Variants in FBXO15 observed in about 807,000 individuals in gnomAD.
FBXO15 encodes the protein F-box only protein 15.
FBXO15 carries 30 observed loss-of-function variants against 49.5 expected under a neutral mutation model. That is an observed-to-expected ratio of 0.61 (90% CI 0.45 to 0.82). The LOEUF (loss-of-function observed/expected upper bound fraction) is 0.82, where lower values mean the gene tolerates loss of function less well. Among genes scored for constraint, FBXO15 ranks in the 40% least tolerant of loss-of-function variants. FBXO15 has a pLI of 0.00. For missense variants in FBXO15, 591 were observed against 631.5 expected, an observed-to-expected ratio of 0.94 and a Z score of 0.69; for synonymous variants, 250 against 232.7, an observed-to-expected ratio of 1.07 and a Z score of -0.68.
At chr18:74,128,032 C>G (rs543993131) in intron 5 of FBXO15, among the ~76,000 whole-genome samples, 1 of 152,232 alleles carries the variant, frequency 6.6e-6, no homozygotes, top group African/African-American at 2.4e-5. Context: ...TTAGAAAAAG[C>G]TGGCTTCCTT....
intron 9 of FBXO15, among the ~76,000 whole-genome samples, chr18:74,080,630 C>G (rs1273970135): frequency 6.6e-6 from 1 of 152,206 alleles, no homozygotes; most frequent in Non-Finnish European, 1.5e-5. Flanking sequence ...CTGAGAACTT[C>G]TATGAGAAAT....
Position 74,075,792 on chromosome 18 carries a change from C to T in FBXO15, c.1264-2062G>A, listed in dbSNP as rs1912234125. The stretch of plus-strand genomic sequence containing the variant: ...AAGCCCTGCAGCTCTCTACCCACTC[C>T]CATTGCTGAGGTTCCTACAGCTTGG... On this transcript the variant is annotated intron_variant, in intron 9 of 9. Transcript: ENST00000419743. The surrounding 1 kb of genome is among the most constrained non-coding windows in gnomAD (Gnocchi z 4.1). Among the ~76,000 whole-genome samples, 1 of 152,166 alleles carries T rather than the reference C, an allele frequency of 6.6e-6. No homozygotes were observed. The highest frequency in any genetic ancestry group is 6.5e-5 in the Admixed American group (1 of 15,276).
At chr18:74,120,061 T>C (rs905478379) in intron 8 of FBXO15, among the ~76,000 whole-genome samples, 1 of 152,188 alleles carries the variant, frequency 6.6e-6, no homozygotes, top group African/African-American at 2.4e-5. Flanking sequence ...AATACTGGCA[T>C]AGAAGGCACA....
At position 74,075,635 on chromosome 18, in the gene FBXO15, A is replaced by T. The variant is rs1378182286; in HGVS notation, c.1264-1905T>A. The stretch of plus-strand genomic sequence containing the variant: ...TCTGGCCTGGTATCCTTTTTCCATC[A>T]TCTGACCGAACATCTCTTGATAAGG... On this transcript the variant is annotated intron_variant, in intron 9 of 9. Coordinates refer to ENST00000419743, the MANE Select transcript of FBXO15 (RefSeq NM_001142958.2). This position sits in a 1 kb window ranked among gnomAD's most constrained non-coding sequence, Gnocchi z 4.1. Among the ~76,000 whole-genome samples the T allele has an allele frequency of 6.6e-6, 1 of 152,148 alleles. No individual in the cohort carries two copies. Among genetic ancestry groups the T allele is most frequent in the African/African-American group, 2.4e-5 (1 of 41,434 alleles).
chr18:74,076,696 A>C (rs1378762950), intron 9 of FBXO15, among the ~76,000 whole-genome samples: 1 of 152,162 alleles, frequency 6.6e-6, no homozygotes, highest in Non-Finnish European at 1.5e-5. Flanking sequence ...AACCTTTACA[A>C]AACATGAGTC....
chr18:74,140,221 A>G lies in FBXO15; in HGVS notation c.208T>C (p.Cys70Arg). 6.4e-7 allele frequency: 1 copy of G among 1,551,356 alleles called. No homozygotes were observed. The highest frequency in any genetic ancestry group is 8.7e-7 in the Non-Finnish European group (1 of 1,146,886). ...ACTTACCCATCCAGGAACCCAGAAC[A>G]GCAGGAGAAAGAGCTCTCCCAGTGC... ...GQHWESSFSC[C>R]SGFLDGMPSE... Residue 70 changes from cysteine to arginine, a missense_variant, in exon 2 of 10, where the codon TGT becomes CGT. Cys to Arg is a radical substitution (Grantham distance 180, BLOSUM62 -3). Transcript: ENST00000419743.
chr18:74,143,752 G>C lies in FBXO15; in HGVS notation c.117-3440C>G, dbSNP rs189529553. Among the ~76,000 whole-genome samples the C allele has an allele frequency of 4.1e-4, 63 of 152,282 alleles. No individual in the cohort carries two copies. In the South Asian group the frequency reaches 7.7e-3, roughly 19 times the overall value. On this transcript the variant is annotated intron_variant, in intron 1 of 9. Coordinates refer to ENST00000419743, the MANE Select transcript of FBXO15 (RefSeq NM_001142958.2). ...CTGATGGCCTCCAGGTGTCTATATG[G>C]CTTGCTCCCTCACTTTCTTCAGCCA...
At chr18:74,093,264 G>GAGC (rs35793189) in intron 8 of FBXO15, among the ~76,000 whole-genome samples, 30 of 8,346 alleles carry the variant, frequency 3.6e-3, no homozygotes, top group Admixed American at 6.0e-3. Flanking sequence ...GCAAAACAAT[G>GAGC]GGGGGGGGGT....
intron 5 of FBXO15, 128 bp downstream of exon 5, chr18:74,129,277 C>A: frequency 1.3e-6 from 1 of 763,448 alleles, no homozygotes. Flanking sequence ...TGCATTAATG[C>A]AGAATGTACA....
Position 74,075,998 on chromosome 18 carries a change from G to A in FBXO15, c.1264-2268C>T, listed in dbSNP as rs192485583. ...GTACTCAACTTCTGGATCTTTCAAC[G>A]GTCCCTCAAGTCCAGCAGGACTATG... On this transcript the variant is annotated intron_variant, in intron 9 of 9. Transcript: ENST00000419743. This position sits in a 1 kb window ranked among gnomAD's most constrained non-coding sequence, Gnocchi z 4.1. Among the ~76,000 whole-genome samples the A allele has an allele frequency of 5.7e-4, 86 of 152,170 alleles. No homozygotes were observed. Among genetic ancestry groups the A allele is most frequent in the African/African-American group, 2.0e-3 (84 of 41,506 alleles).
intron 8 of FBXO15, among the ~76,000 whole-genome samples, chr18:74,092,282 T>C (rs1943931): frequency 0.039 from 5,999 of 152,306 alleles, 392 homozygotes; most frequent in African/African-American, 0.13. Flanking sequence ...TGTCATTTTA[T>C]TGTAGTCCTT....
rs114044705 is a variant in FBXO15, at chr18:74,073,539, G to A, written c.1455C>T (p.Thr485=). The part of the protein sequence containing the change: ...VHVELVWIRE[T]EEYLIVNLVL... The stretch of plus-strand genomic sequence containing the variant: ...CCAGGTTGACAATAAGGTATTCTTC[G>A]GTCTCTCTGATCCACACCAGCTCCA... Residue 485 remains threonine, a synonymous_variant, in exon 10 of 10, where the codon ACC becomes ACT. Transcript: ENST00000419743. 1.0e-3 allele frequency: 1,638 copies of A among 1,614,084 alleles called. 15 individuals are homozygous for A. The African/African-American group carries it at 0.02, about 19-fold the overall frequency.
intron 8 of FBXO15, among the ~76,000 whole-genome samples, chr18:74,091,629 T>A (rs1913030643): frequency 6.6e-6 from 1 of 152,220 alleles, no homozygotes. Context: ...GGATCTTATT[T>A]CTCTTTCCCT....
At chr18:74,134,199 A>T (rs144683203) in intron 3 of FBXO15, among the ~76,000 whole-genome samples, 1 of 152,248 alleles carries the variant, frequency 6.6e-6, no homozygotes, top group Non-Finnish European at 1.5e-5. Context: ...CTTTCCAACT[A>T]GGGAACAGTG....
intron 1 of FBXO15, chr18:74,140,585 G>GAAA: frequency 3.1e-5 from 11 of 357,880 alleles, no homozygotes; most frequent in African/African-American, 2.3e-4. Context: ...TTGATGGTAA[G>GAAA]GAAGGAAGAA....
intron 8 of FBXO15, chr18:74,099,380 G>A (rs1359492792): frequency 6.6e-6 from 1 of 152,136 alleles, no homozygotes; most frequent in Non-Finnish European, 1.5e-5. Flanking sequence ...AACACTGAGA[G>A]AATTTGCCAC....
chr18:74,130,798 A>T (rs780962346), intron 3 of FBXO15, 140 bp from the exon 4 acceptor site: 19 of 931,790 alleles, frequency 2.0e-5, no homozygotes, highest in Non-Finnish European at 3.0e-5. Flanking sequence ...TTGAACGTTC[A>T]TCTGTTAAAG....
chr18:74,120,875 C>A (rs1396575076), intron 8 of FBXO15, among the ~76,000 whole-genome samples: 1 of 150,886 alleles, frequency 6.6e-6, no homozygotes, highest in Non-Finnish European at 1.5e-5. Flanking sequence ...GCAATAAAAC[C>A]AAAAGTTAGG....
At chr18:74,085,925 T>C (rs1365727806) in intron 8 of FBXO15, among the ~76,000 whole-genome samples, 3 of 152,192 alleles carry the variant, frequency 2.0e-5, no homozygotes, top group South Asian at 2.1e-4. Context: ...AATTTAAAAT[T>C]GATTAGATTT....
Sources: allele counts gnomAD v4.1 joint callset (sites outside exome capture counted in the v4.1 genomes callset), GRCh38; gene constraint gnomAD v4.1.1; non-coding constraint Gnocchi (gnomAD v3.1); transcripts MANE v1.5; gene names NCBI Gene and HGNC (gene_info 2026-07-23, HGNC 2026-07-21).